Variants in ANKRD1 observed in about 807,000 individuals in gnomAD.
The protein encoded by ANKRD1 is ankyrin repeat domain 1.
ANKRD1 carries 32 observed loss-of-function variants against 40.1 expected under a neutral mutation model. The ratio of observed to expected loss-of-function variants is 0.80; its 90% CI spans 0.60 to 1.07. ANKRD1 has a LOEUF of 1.07. ANKRD1 is among the 50% of genes least tolerant of loss of function. The pLI is 0.00. For missense variants in ANKRD1, 359 were observed against 386.0 expected, an observed-to-expected ratio of 0.93 and a Z score of 0.59; for synonymous variants, 149 against 141.2, an observed-to-expected ratio of 1.06 and a Z score of -0.39.
chr10:90,920,120 C>T (rs1322498290), intron 2 of ANKRD1, 49 bp downstream of exon 2: 1 of 1,609,804 alleles, frequency 6.2e-7, no homozygotes, highest in East Asian at 2.2e-5. Context: ...TTTCCATTCC[C>T]TACCCCAGCC....
intron 8 of ANKRD1, among the ~76,000 whole-genome samples, chr10:90,913,754 G>A (rs1464116890): frequency 6.6e-6 from 1 of 152,162 alleles, no homozygotes; most frequent in East Asian, 1.9e-4. Context: ...AACCAGAATA[G>A]AGACCTGTTT....
chr10:90,918,211 T>C (rs1847393577), intron 4 of ANKRD1, among the ~76,000 whole-genome samples: 1 of 152,210 alleles, frequency 6.6e-6, no homozygotes, highest in African/African-American at 2.4e-5. Context: ...TCAAAAAGTT[T>C]CCATTCATTT....
At chr10:90,920,079 G>C (rs1847418562) in intron 2 of ANKRD1, 90 bp downstream of exon 2, 4 of 1,545,120 alleles carry the variant, frequency 2.6e-6, no homozygotes, top group Non-Finnish European at 1.8e-6. Flanking sequence ...CTTAATGATT[G>C]GGTTTGTTTC....
chr10:90,917,879 TG>T, intron 4 of ANKRD1, 49 bp from the exon 5 acceptor site: 1 of 1,478,842 alleles, frequency 6.8e-7, no homozygotes. Context: ...TATAAAAATG[TG>T]TGTAAACCCT....
At chr10:90,916,120 G>C in intron 6 of ANKRD1, 51 bp downstream of exon 6, 2 of 1,134,200 alleles carry the variant, frequency 1.8e-6, no homozygotes, top group Non-Finnish European at 2.4e-6. Flanking sequence ...GAAGGATGGG[G>C]GACAGGGAGG....
At chr10:90,915,437 G>T in intron 8 of ANKRD1, 106 bp downstream of exon 8, 2 of 976,296 alleles carry the variant, frequency 2.0e-6, no homozygotes, top group African/African-American at 3.2e-5. Context: ...TTAGACCATC[G>T]AAGACCCCTC....
In ANKRD1 at chr10:90,917,614, G is replaced by T. The variant is rs756888176; in HGVS notation, c.552+118C>A. ...CCTTTATTTGGAGAAATGAGCTTTT[G>T]CCTAGTTCTCTCAGATCAATTTTCA... On this transcript the variant is annotated intron_variant, in intron 5 of 8. Coordinates refer to ENST00000371697, the MANE Select transcript of ANKRD1 (RefSeq NM_014391.3). 1.2e-5 allele frequency: 10 copies of T among 831,620 alleles called. No homozygotes were observed. In the African/African-American group the frequency reaches 1.5e-4, roughly 13 times the overall value. The allele number at this position is 831,620 out of a possible 1,614,324, so 51.5% of individuals were successfully genotyped here.
chr10:90,918,407 A>G (rs1847395675), intron 4 of ANKRD1, among the ~76,000 whole-genome samples: 1 of 152,122 alleles, frequency 6.6e-6, no homozygotes, highest in Non-Finnish European at 1.5e-5. Flanking sequence ...ATGTTTACAG[A>G]TAAGGAAACC....
At chr10:90,919,080 G>C in intron 3 of ANKRD1, 51 bp downstream of exon 3, 1 of 1,608,518 alleles carries the variant, frequency 6.2e-7, no homozygotes. Flanking sequence ...TTGCTCCCCT[G>C]TAGCACAACA....
Position 90,918,887 on chromosome 10 carries a change from T to C in ANKRD1, c.431A>G (p.Asn144Ser). The change falls in exon 4 of 9, where the codon AAC becomes AGC. Residue 144 changes from asparagine to serine, a missense_variant. Transcript: ENST00000371697. ...TACCTCATCACAAACATCTGGATTG[T>C]TCTTGTCTGACAAGAATTTTTCTAC... ...PVVEKFLSDK[N>S]NPDVCDEYKR... 6.2e-7 allele frequency: 1 copy of C among 1,612,238 alleles called. No homozygotes were observed.
intron 2 of ANKRD1, 22 bp downstream of exon 2, chr10:90,920,147 G>T (rs1847419488): frequency 6.2e-7 from 1 of 1,612,772 alleles, no homozygotes; most frequent in South Asian, 1.1e-5. Flanking sequence ...TCCTACTAGT[G>T]GATTCCACAG....
intron 8 of ANKRD1, among the ~76,000 whole-genome samples, chr10:90,914,449 AT>A (rs1264097107): frequency 3.9e-5 from 6 of 152,136 alleles, no homozygotes; most frequent in Non-Finnish European, 5.9e-5. Flanking sequence ...CTGAAAAAAA[AT>A]CTTCACATTT....
At position 90,915,749 on chromosome 10, in the gene ANKRD1, C is replaced by T. The variant is rs772108355; in HGVS notation, c.750+33G>A. 7 of 1,613,248 alleles carry T rather than the reference C, an allele frequency of 4.3e-6. No homozygotes were observed. The Admixed American group carries it at 1.2e-4, about 27-fold the overall frequency. On this transcript the variant is annotated intron_variant, in intron 7 of 8. Coordinates refer to ENST00000371697, the MANE Select transcript of ANKRD1 (RefSeq NM_014391.3). ...GATTCCAAATACAAAAGCAATGAAG[C>T]TTTGGGAAACCCGAGCGTGTCCAGC... is the stretch of plus-strand genomic sequence containing the variant.
rs1181799982 is a variant in ANKRD1 at position 90,918,881 on chromosome 10, G to A, written c.437C>T (p.Pro146Leu). 2 of 1,611,308 alleles carry A rather than the reference G, an allele frequency of 1.2e-6. No individual in the cohort carries two copies. The highest frequency in any genetic ancestry group is 8.5e-7 in the Non-Finnish European group (1 of 1,179,114). ...VEKFLSDKNN[P>L]DVCDEYKRTA... ...GAGTCTTACCTCATCACAAACATCT[G>A]GATTGTTCTTGTCTGACAAGAATTT... Residue 146 changes from proline to leucine, a missense_variant, in exon 4 of 9, where the codon CCA becomes CTA. Physicochemically the swap from Pro to Leu is moderately conservative, Grantham distance 98. Transcript: ENST00000371697.
chr10:90,916,150 G>C, intron 6 of ANKRD1, 21 bp downstream of exon 6: 3 of 1,584,792 alleles, frequency 1.9e-6, no homozygotes, highest in South Asian at 2.2e-5. Context: ...TGAATGAAGG[G>C]AGAAGGAGAA....
intron 8 of ANKRD1, among the ~76,000 whole-genome samples, chr10:90,914,992 T>C (rs1238328843): frequency 6.6e-6 from 1 of 151,998 alleles, no homozygotes; most frequent in Non-Finnish European, 1.5e-5. Flanking sequence ...GGAGAATGGA[T>C]AGAAATTATC....
rs1847364203 is a variant in ANKRD1 at position 90,915,837 on chromosome 10, T to C, written c.695A>G (p.Tyr232Cys). 2 of 1,613,296 alleles carry C rather than the reference T, an allele frequency of 1.2e-6. No homozygotes were observed. The highest frequency in any genetic ancestry group is 1.1e-5 in the South Asian group (1 of 91,022). The stretch of plus-strand genomic sequence containing the variant: ...GGCGATAAGATGCTCCGCGCACTCA[T>C]AGTGGCCAGTCCTCACCGCCACATG... ...ALHVAVRTGHYECAEHLIACE... is the reference protein window; with the variant it reads ...ALHVAVRTGHCECAEHLIACE... Residue 232 changes from tyrosine (Y) to cysteine (C), a missense_variant, in exon 7 of 9, where the codon TAT (tyrosine) becomes TGT (cysteine). Transcript: ENST00000371697.
chr10:90,913,154 G>A (rs184765469), intron 8 of ANKRD1, among the ~76,000 whole-genome samples, 178 bp from the exon 9 acceptor site: 63 of 152,342 alleles, frequency 4.1e-4, no homozygotes, highest in African/African-American at 1.4e-3. Flanking sequence ...TTCTCAGAGG[G>A]ATGCTTTTGC....
At chr10:90,919,297 A>T in intron 2 of ANKRD1, 29 bp from the exon 3 acceptor site, 2 of 1,585,478 alleles carry the variant, frequency 1.3e-6, no homozygotes, top group Non-Finnish European at 1.7e-6. Context: ...TTTCAAAAAT[A>T]TGGTGAGTTC....
Sources: gnomAD v4.1 joint callset for allele counts (sites outside exome capture counted in the v4.1 genomes callset) on GRCh38, gnomAD v4.1.1 for gene constraint, MANE v1.5 for transcripts, NCBI Gene and HGNC (gene_info 2026-07-23, HGNC 2026-07-21) for gene names.